FHL5: variants seen among roughly 807,000 people sequenced by gnomAD.
FHL5 encodes four and a half LIM domains 5.
Under a neutral mutation model 32.0 loss-of-function variants are expected in FHL5, and 33 were observed. The ratio of observed to expected loss-of-function variants is 1.03; its 90% CI spans 0.78 to 1.38. The LOEUF (loss-of-function observed/expected upper bound fraction) is 1.38, where lower values mean the gene tolerates loss of function less well. FHL5 is among the 40% of genes most tolerant of loss of function. The pLI is 0.00. For missense variants in FHL5, 336 were observed against 343.9 expected (o/e 0.98, Z 0.18); for synonymous variants, 114 against 113.6 (o/e 1.00, Z -0.02).
chr6:96,615,543 T>A, intron 5 of FHL5, 66 bp from the exon 6 acceptor site: 1 of 1,339,604 alleles, frequency 7.5e-7, no homozygotes, highest in Non-Finnish European at 1.0e-6. Flanking sequence ...TAGAGGAGCA[T>A]CTGCTAGAAT....
intron 1 of FHL5, among the ~76,000 whole-genome samples, chr6:96,567,825 C>CTTTTTTTTTTTTTTTTTTTTT (rs757441385): frequency 4.5e-5 from 5 of 110,534 alleles, no homozygotes; most frequent in Admixed American, 9.4e-5. Flanking sequence ...TTTTTGTATT[C>CTTTTTTTTTTTTTTTTTTTTT]TTTTTTTTTT....
chr6:96,590,769 T>C (rs978091338), intron 1 of FHL5, among the ~76,000 whole-genome samples: 1 of 152,066 alleles, frequency 6.6e-6, no homozygotes, highest in Admixed American at 6.5e-5. Context: ...TCATTTTTAG[T>C]TTGTTAAGAG....
chr6:96,565,203 A>G (rs966141163), intron 1 of FHL5, among the ~76,000 whole-genome samples: 6 of 152,168 alleles, frequency 3.9e-5, no homozygotes, highest in Admixed American at 6.6e-5. Context: ...CTAAACTTTC[A>G]CATGGGCTAA....
In FHL5 at chr6:96,603,744, G is replaced by A. The variant is rs528525291; in HGVS notation, c.131G>A (p.Cys44Tyr). ...DRVFSNYCEECKKPIESDSKD... is the reference protein window; with the variant it reads ...DRVFSNYCEEYKKPIESDSKD... ...GTATTTTCTAACTATTGCGAGGAAT[G>A]CAAAAAACCAATTGAATCTGATTCT... is the stretch of plus-strand genomic sequence containing the variant. Residue 44 changes from cysteine to tyrosine, a missense_variant, in exon 2 of 6, where the codon TGC becomes TAC. Cys to Tyr is a radical substitution (Grantham distance 194). Coordinates refer to ENST00000450218, the MANE Select transcript of FHL5 (RefSeq NM_001322466.2). 1 of 1,609,122 alleles carries A rather than the reference G, an allele frequency of 6.2e-7. No individual in the cohort carries two copies. Among genetic ancestry groups the A allele is most frequent in the Non-Finnish European group, 8.5e-7 (1 of 1,178,056 alleles).
Position 96,592,052 on chromosome 6 carries a change from A to C in FHL5, c.-12-11550A>C, listed in dbSNP as rs577935703. ...ACCATAGGACCGGGGCAAAATTAAA[A>C]TTGCTAATGAAGTTTCGGGCACCAC... is the stretch of plus-strand genomic sequence containing the variant. On this transcript the variant is annotated intron_variant, in intron 1 of 5. Transcript: ENST00000450218. Among the ~76,000 whole-genome samples, 5 of 152,274 alleles carry C rather than the reference A, an allele frequency of 3.3e-5. No individual in the cohort carries two copies. In the East Asian group the frequency reaches 7.7e-4, roughly 24 times the overall value.
intron 3 of FHL5, 77 bp from the exon 4 acceptor site, chr6:96,605,825 G>T: frequency 1.7e-6 from 2 of 1,159,194 alleles, no homozygotes; most frequent in South Asian, 1.9e-5. Flanking sequence ...ACGTTTTTAA[G>T]TAATTTGATC....
At chr6:96,572,809 G>A (rs1035842722) in intron 1 of FHL5, among the ~76,000 whole-genome samples, 5 of 152,184 alleles carry the variant, frequency 3.3e-5, no homozygotes, top group African/African-American at 9.7e-5. Context: ...GTTCCTCCTG[G>A]CTTCCAGCTG....
At chr6:96,574,908 T>G (rs1052762032) in intron 1 of FHL5, among the ~76,000 whole-genome samples, 1 of 152,162 alleles carries the variant, frequency 6.6e-6, no homozygotes, top group Non-Finnish European at 1.5e-5. Context: ...ATTATCAGAA[T>G]TCCACCTGGG....
intron 3 of FHL5, among the ~76,000 whole-genome samples, 178 bp from the exon 4 acceptor site, chr6:96,605,724 C>T (rs1294024276): frequency 6.6e-6 from 1 of 151,574 alleles, no homozygotes; most frequent in Non-Finnish European, 1.5e-5. Context: ...CTTTATTAAC[C>T]ATTTTTTTTT....
intron 1 of FHL5, among the ~76,000 whole-genome samples, chr6:96,592,694 A>C (rs758071925): frequency 2.0e-5 from 3 of 152,322 alleles, no homozygotes; most frequent in South Asian, 2.1e-4. Context: ...GAAATTATAA[A>C]AGTATTAATT....
At chr6:96,605,385 A>G (rs1275824454) in intron 3 of FHL5, among the ~76,000 whole-genome samples, 1 of 152,184 alleles carries the variant, frequency 6.6e-6, no homozygotes, top group Non-Finnish European at 1.5e-5. Context: ...CACTTTTGGC[A>G]AGGACTAATT....
intron 1 of FHL5, among the ~76,000 whole-genome samples, chr6:96,569,462 A>G (rs1238519594): frequency 6.6e-6 from 1 of 152,094 alleles, no homozygotes; most frequent in Non-Finnish European, 1.5e-5. Flanking sequence ...TCTAAAGTGC[A>G]GTTTAAATTA....
chr6:96,572,143 T>A (rs763305254), intron 1 of FHL5, among the ~76,000 whole-genome samples: 3 of 152,180 alleles, frequency 2.0e-5, no homozygotes, highest in Non-Finnish European at 4.4e-5. Context: ...CAAGGGACAA[T>A]GTGCCACTTC....
chr6:96,601,865 A>T (rs1044792998), intron 1 of FHL5, among the ~76,000 whole-genome samples: 2 of 152,236 alleles, frequency 1.3e-5, no homozygotes, highest in African/African-American at 4.8e-5. Context: ...AGCCTTCGGT[A>T]ACCCTCTGAG....
chr6:96,582,028 G>A (rs530428692), intron 1 of FHL5, among the ~76,000 whole-genome samples: 35 of 152,238 alleles, frequency 2.3e-4, no homozygotes, highest in Middle Eastern at 3.4e-3. Context: ...TTTTAGTCTT[G>A]TCCTTACCTA....
At chr6:96,581,207 T>C (rs935192342) in intron 1 of FHL5, among the ~76,000 whole-genome samples, 1 of 152,176 alleles carries the variant, frequency 6.6e-6, no homozygotes, top group Non-Finnish European at 1.5e-5. Flanking sequence ...AATATATTTG[T>C]CCTCCATTTA....
chr6:96,617,520 G>T lies in FHL5; in HGVS notation c.*1748G>T, dbSNP rs1771547840. The stretch of plus-strand genomic sequence containing the variant: ...TGTATTTTTGGATTAACAATGCCAA[G>T]GTATTTTTTCATATTCACATTGAAA... On this transcript the variant is annotated 3_prime_UTR_variant, in exon 6 of 6. Transcript: ENST00000450218. Among the ~76,000 whole-genome samples the T allele has an allele frequency of 6.6e-6, 1 of 152,060 alleles. No homozygotes were observed. The highest frequency in any genetic ancestry group is 2.1e-4 in the South Asian group (1 of 4,826).
chr6:96,572,917 TA>T (rs1159413343), intron 1 of FHL5, among the ~76,000 whole-genome samples: 1 of 152,200 alleles, frequency 6.6e-6, no homozygotes, highest in African/African-American at 2.4e-5. Context: ...CTATTAGTTT[TA>T]AAATGCAGCT....
At chr6:96,592,088 A>T (rs1163720614) in intron 1 of FHL5, among the ~76,000 whole-genome samples, 1 of 152,154 alleles carries the variant, frequency 6.6e-6, no homozygotes, top group African/African-American at 2.4e-5. Context: ...TGTCATTGAT[A>T]ACATCTTATC....
Sources: gnomAD v4.1 joint callset for allele counts (sites outside exome capture counted in the v4.1 genomes callset) on GRCh38, gnomAD v4.1.1 for gene constraint, MANE v1.5 for transcripts, NCBI Gene and HGNC (gene_info 2026-07-23, HGNC 2026-07-21) for gene names.